The following POMK variants were observed in gnomAD, a reference collection of about 807,000 sequenced individuals.
POMK encodes the protein Sugen kinase 196.
A neutral mutation model predicts 23.0 loss-of-function variants in POMK; 19 were observed. The observed-to-expected ratio is 0.83, with a 90% CI of 0.58 to 1.21. The LOEUF is 1.21. Ranked by LOEUF, POMK falls within the 50% of genes most tolerant of loss-of-function variation. The pLI is 0.00. For missense variants in POMK, 410 were observed against 431.3 expected (o/e 0.95, Z 0.44); for synonymous variants, 173 against 171.6 (o/e 1.01, Z -0.06).
intron 4 of POMK, among the ~76,000 whole-genome samples, chr8:43,114,133 T>C (rs1020479503): frequency 2.6e-5 from 4 of 152,204 alleles, no homozygotes; most frequent in Non-Finnish European, 5.9e-5. Flanking sequence ...CACTGCTCTC[T>C]TCAAAGCTGT....
At chr8:43,117,124 A>G (rs1048294523) in intron 4 of POMK, among the ~76,000 whole-genome samples, 9 of 152,194 alleles carry the variant, frequency 5.9e-5, no homozygotes, top group African/African-American at 2.2e-4. Flanking sequence ...GTGGTGGAAT[A>G]TCATCAGTTA....
At chr8:43,118,975 C>G (rs1811856029) in intron 4 of POMK, among the ~76,000 whole-genome samples, 1 of 152,102 alleles carries the variant, frequency 6.6e-6, no homozygotes, top group Admixed American at 6.6e-5. Context: ...CCATGCCCGG[C>G]TAATTTTTTG....
intron 1 of POMK, among the ~76,000 whole-genome samples, chr8:43,094,648 ATGGAATTC>A (rs1811296638): frequency 6.6e-6 from 1 of 152,230 alleles, no homozygotes; most frequent in African/African-American, 2.4e-5. Flanking sequence ...TATTGGCGCA[ATGGAATTC>A]TACTCTAAAC....
chr8:43,122,645 C>A lies in POMK; in HGVS notation c.821C>A (p.Pro274His). Residue 274 changes from proline to histidine, a missense_variant, in exon 5 of 5, where the codon CCC becomes CAC. Physicochemically the swap from Pro to His is moderately conservative, Grantham distance 77 (BLOSUM62 -2). Transcript: ENST00000331373. Reference sequence around the variant, plus strand: ...GTGCCTTTCCACGATGATCTCATGCCCTCATATGATGAGAAGATTGACATT... The same window carrying A: ...GTGCCTTTCCACGATGATCTCATGCACTCATATGATGAGAAGATTGACATT... ...EDVPFHDDLMPSYDEKIDIWK... is the reference protein window; with the variant it reads ...EDVPFHDDLMHSYDEKIDIWK... The A allele has an allele frequency of 6.2e-7, 1 of 1,614,104 alleles. No individual in the cohort carries two copies. The highest frequency in any genetic ancestry group is 8.5e-7 in the Non-Finnish European group (1 of 1,179,998).
chr8:43,109,974 G>A (rs533332442), intron 4 of POMK, among the ~76,000 whole-genome samples: 10 of 152,208 alleles, frequency 6.6e-5, no homozygotes, highest in African/African-American at 1.2e-4. Context: ...ACTGCATAAC[G>A]TGACTTAAAC....
Position 43,122,789 on chromosome 8 carries a change from C to T in POMK, c.965C>T (p.Pro322Leu), listed in dbSNP as rs747083630. 1.9e-6 allele frequency: 3 copies of T among 1,614,140 alleles called. No individual in the cohort carries two copies. Among genetic ancestry groups the T allele is most frequent in the Non-Finnish European group, 2.5e-6 (3 of 1,180,002 alleles). ...AAGAGCCAGACTCCCTCAGAAAGAC[C>T]CACTGCCCAGGACGTTCTGGAGACC... The part of the protein sequence containing the change: ...ACKSQTPSER[P>L]TAQDVLETYQ... The change falls in exon 5 of 5, where the codon CCC becomes CTC. Residue 322 changes from proline to leucine, a missense_variant. Physicochemically the swap from Pro to Leu is moderately conservative, Grantham distance 98. Transcript: ENST00000331373.
At chr8:43,099,276 GT>G (rs958292958) in intron 2 of POMK, among the ~76,000 whole-genome samples, 1 of 152,022 alleles carries the variant, frequency 6.6e-6, no homozygotes, top group Non-Finnish European at 1.5e-5. Flanking sequence ...AAATTGAGTT[GT>G]TTTTTTTGAA....
chr8:43,095,786 C>T (rs1417886781), intron 1 of POMK, among the ~76,000 whole-genome samples: 2 of 152,166 alleles, frequency 1.3e-5, no homozygotes, highest in Non-Finnish European at 2.9e-5. Flanking sequence ...CACTCCTTGC[C>T]CCAACTTGTA....
At chr8:43,121,717 C>T (rs1199572680) in intron 4 of POMK, among the ~76,000 whole-genome samples, 2 of 152,172 alleles carry the variant, frequency 1.3e-5, no homozygotes, top group African/African-American at 4.8e-5. Context: ...ACTTGCCACT[C>T]CTCCCTGCCA....
chr8:43,120,458 T>C (rs564320655), intron 4 of POMK, among the ~76,000 whole-genome samples: 1 of 152,136 alleles, frequency 6.6e-6, no homozygotes, highest in African/African-American at 2.4e-5. Context: ...TGACCTCAGG[T>C]GATCTGCCTG....
At chr8:43,116,626 A>G (rs1025966180) in intron 4 of POMK, among the ~76,000 whole-genome samples, 1 of 152,192 alleles carries the variant, frequency 6.6e-6, no homozygotes, top group African/African-American at 2.4e-5. Context: ...TAGGTAATAC[A>G]TTGACCCTTG....
chr8:43,107,212 AG>A (rs1337398755), intron 4 of POMK, among the ~76,000 whole-genome samples: 1 of 152,164 alleles, frequency 6.6e-6, no homozygotes, highest in Non-Finnish European at 1.5e-5. Context: ...TCTAAATTGA[AG>A]AAAAAAAAAA....
intron 1 of POMK, among the ~76,000 whole-genome samples, chr8:43,097,057 A>G (rs1264124132): frequency 6.6e-6 from 1 of 152,218 alleles, no homozygotes; most frequent in Non-Finnish European, 1.5e-5. Flanking sequence ...CCTGGGCAAC[A>G]TAGTGAGACT....
In POMK at chr8:43,122,767, A is replaced by T; in HGVS notation, c.943A>T (p.Ser315Cys). Residue 315 changes from serine to cysteine, a missense_variant, in exon 5 of 5, where the codon AGC becomes TGC. Coordinates refer to ENST00000331373, the MANE Select transcript of POMK (RefSeq NM_032237.5). ...GTTTGATATTCACAAAGCATGCAAG[A>T]GCCAGACTCCCTCAGAAAGACCCAC... ...HLFDIHKACK[S>C]QTPSERPTAQ... The T allele has an allele frequency of 6.2e-7, 1 of 1,614,214 alleles. No homozygotes were observed. The highest frequency in any genetic ancestry group is 8.5e-7 in the Non-Finnish European group (1 of 1,180,032).
intron 4 of POMK, among the ~76,000 whole-genome samples, chr8:43,110,996 C>T (rs943105530): frequency 2.6e-5 from 4 of 151,990 alleles, no homozygotes; most frequent in Non-Finnish European, 5.9e-5. Context: ...CCAGTGTGAG[C>T]GACGCAGAAG....
chr8:43,112,916 G>A (rs922929177), intron 4 of POMK, among the ~76,000 whole-genome samples: 57 of 152,268 alleles, frequency 3.7e-4, no homozygotes, highest in African/African-American at 1.3e-3. Flanking sequence ...TGAAGGAAGC[G>A]CTAAACATGG....
intron 4 of POMK, among the ~76,000 whole-genome samples, chr8:43,110,722 C>T (rs1340024527): frequency 1.3e-5 from 2 of 152,102 alleles, no homozygotes; most frequent in African/African-American, 4.8e-5. Flanking sequence ...GTTAAGAGAC[C>T]AGCCAACATG....
chr8:43,094,032 C>T (rs560922842), intron 1 of POMK, among the ~76,000 whole-genome samples: 1 of 152,238 alleles, frequency 6.6e-6, no homozygotes, highest in Non-Finnish European at 1.5e-5. Flanking sequence ...GAGCCGAAAT[C>T]GCGCCACTGC....
chr8:43,095,282 T>A (rs1267130726), intron 1 of POMK, among the ~76,000 whole-genome samples: 1 of 152,186 alleles, frequency 6.6e-6, no homozygotes, highest in Non-Finnish European at 1.5e-5. Flanking sequence ...TAACAACAAT[T>A]ACATCCACTT....
Sources: allele counts gnomAD v4.1 joint callset (sites outside exome capture counted in the v4.1 genomes callset), GRCh38; gene constraint gnomAD v4.1.1; transcripts MANE v1.5; gene names NCBI Gene and HGNC (gene_info 2026-07-23, HGNC 2026-07-21).